Variants in KLHL2 observed in about 807,000 individuals in gnomAD.
The protein encoded by KLHL2 is kelch like family member 2.
KLHL2 carries 15 observed loss-of-function variants against 75.8 expected under a neutral mutation model. The observed-to-expected ratio is 0.20, with a 90% CI of 0.13 to 0.30. KLHL2 has a LOEUF of 0.30. Ranked by LOEUF, KLHL2 falls within the 10% of genes least tolerant of loss-of-function variation. The probability of loss-of-function intolerance (pLI) is 1.00; values close to 1 mark genes in which losing one functional copy is unlikely to be tolerated. For synonymous variants in KLHL2, 214 were observed against 251.9 expected (o/e 0.85, Z 1.42); for missense variants, 381 against 741.0 (o/e 0.51, Z 5.64).
At chr4:165,261,248 T>G (rs1340729561) in intron 4 of KLHL2, among the ~76,000 whole-genome samples, 1 of 152,258 alleles carries the variant, frequency 6.6e-6, no homozygotes, top group Non-Finnish European at 1.5e-5. Context: ...AATTAAAGCC[T>G]TCTGTGGATA....
chr4:165,253,473 A>C (rs1476561271), intron 4 of KLHL2, among the ~76,000 whole-genome samples: 1 of 152,222 alleles, frequency 6.6e-6, no homozygotes. Flanking sequence ...GTACAGATGC[A>C]CTATTTTTCC....
chr4:165,313,395 A>T (rs770424445), intron 12 of KLHL2, 29 bp downstream of exon 12: 1 of 1,425,986 alleles, frequency 7.0e-7, no homozygotes, highest in Non-Finnish European at 9.2e-7. Flanking sequence ...TAGCAACTGA[A>T]GCACAAAAAT....
intron 7 of KLHL2, among the ~76,000 whole-genome samples, chr4:165,298,707 C>T (rs114472833): frequency 0.021 from 3,173 of 152,068 alleles, 104 homozygotes; most frequent in African/African-American, 0.073. Flanking sequence ...CTTAGGGAGG[C>T]GGAGGCAGGC....
At chr4:165,279,508 C>T (rs1358079936) in intron 5 of KLHL2, 8 of 1,570,252 alleles carry the variant, frequency 5.1e-6, no homozygotes, top group Non-Finnish European at 7.0e-6. Flanking sequence ...CTCTTGGGAA[C>T]TCTTGTTTTA....
At chr4:165,218,813 A>G (rs1472707968) in intron 1 of KLHL2, among the ~76,000 whole-genome samples, 1 of 152,250 alleles carries the variant, frequency 6.6e-6, no homozygotes, top group Middle Eastern at 3.2e-3. Flanking sequence ...AAGTGCAGCA[A>G]TTAATAATGA....
At chr4:165,228,682 A>G (rs7672612) in intron 2 of KLHL2, 125 bp from the exon 3 acceptor site, 8,383 of 604,020 alleles carry the variant, frequency 0.014, 207 homozygotes, top group African/African-American at 0.084. Flanking sequence ...GTCCCAAAGG[A>G]TGGCTGTCTT....
Position 165,307,876 on chromosome 4 carries a change from T to G in KLHL2, c.1039+2151T>G, listed in dbSNP as rs114093939. On this transcript the variant is annotated intron_variant, in intron 9 of 14. Coordinates refer to ENST00000226725, the MANE Select transcript of KLHL2 (RefSeq NM_007246.4). ...ATCTGGGCTGTATTTTAGTCTAAGA[T>G]GTAAGGTATAGATTTTGGTTTTTAA... Among the ~76,000 whole-genome samples the G allele has an allele frequency of 9.9e-3, 1,512 of 152,322 alleles. 28 individuals are homozygous for G. The highest frequency in any genetic ancestry group is 0.034 in the African/African-American group (1,432 of 41,566).
intron 2 of KLHL2, among the ~76,000 whole-genome samples, chr4:165,220,277 ATACAGC>A (rs1737879394): frequency 1.3e-5 from 2 of 152,296 alleles, no homozygotes; most frequent in Admixed American, 1.3e-4. Context: ...GCTTAGCCAC[ATACAGC>A]TAGTCTGATG....
In KLHL2 at chr4:165,207,710, C is replaced by T. The variant is rs1237828097; in HGVS notation, c.-167C>T. On this transcript the variant is annotated 5_prime_UTR_variant, in exon 1 of 15. Transcript: ENST00000226725. This position sits in a 1 kb window ranked among gnomAD's most constrained non-coding sequence, Gnocchi z 4.2. ...CGCGCCCGGCCGAGCGGGCCATGGC[C>T]GCGGGGGCCGCCGCCGCAGGTGGTG... The T allele has an allele frequency of 2.1e-5, 6 of 282,280 alleles. No individual in the cohort carries two copies. The South Asian group carries it at 3.5e-4, about 17-fold the overall frequency. The allele number at this position is 282,280 out of a possible 1,614,324, so 17.5% of individuals were successfully genotyped here.
intron 10 of KLHL2, among the ~76,000 whole-genome samples, chr4:165,311,123 C>T (rs774755679): frequency 2.6e-5 from 4 of 152,008 alleles, no homozygotes; most frequent in Non-Finnish European, 5.9e-5. Context: ...TCCCAAAGTG[C>T]TGGGATTACA....
chr4:165,267,114 C>T (rs534208263), intron 5 of KLHL2, among the ~76,000 whole-genome samples: 2 of 151,238 alleles, frequency 1.3e-5, no homozygotes, highest in East Asian at 3.9e-4. Context: ...TGATTTGGCT[C>T]TCTATTATTG....
At chr4:165,313,861 A>G (rs1746400123) in intron 12 of KLHL2, among the ~76,000 whole-genome samples, 165 bp from the exon 13 acceptor site, 1 of 152,130 alleles carries the variant, frequency 6.6e-6, no homozygotes, top group African/African-American at 2.4e-5. Flanking sequence ...TTTAATCATC[A>G]ATTGTATTGA....
intron 8 of KLHL2, among the ~76,000 whole-genome samples, chr4:165,305,320 G>A (rs112785497): frequency 5.2e-5 from 7 of 133,688 alleles, no homozygotes; most frequent in Admixed American, 2.1e-4. Context: ...TAATAACTGC[G>A]TGCTGTTTTT....
At chr4:165,283,936 G>T (rs1015842081) in intron 5 of KLHL2, among the ~76,000 whole-genome samples, 15 of 152,228 alleles carry the variant, frequency 9.9e-5, no homozygotes, top group Non-Finnish European at 1.8e-4. Context: ...AGCTGCCAAG[G>T]CTTGAGGCTT....
chr4:165,298,861 C>T lies in KLHL2; in HGVS notation c.772-646C>T, dbSNP rs960696579. Among the ~76,000 whole-genome samples the T allele has an allele frequency of 2.6e-5, 4 of 152,046 alleles. No individual in the cohort carries two copies. In the East Asian group the frequency reaches 7.8e-4, roughly 30 times the overall value. On this transcript the variant is annotated intron_variant, in intron 7 of 14. Transcript: ENST00000226725. ...GTGAGGGAGGAGAATTGCTGGAACC[C>T]GGCAGGTGGAGTTTGCCAGGATTGT...
At chr4:165,264,052 T>C (rs1217171351) in intron 5 of KLHL2, among the ~76,000 whole-genome samples, 1 of 152,132 alleles carries the variant, frequency 6.6e-6, no homozygotes, top group East Asian at 1.9e-4. Context: ...TTCAGACCCC[T>C]CATCTCTGCA....
At chr4:165,227,923 A>G (rs1356841313) in intron 2 of KLHL2, among the ~76,000 whole-genome samples, 1 of 150,698 alleles carries the variant, frequency 6.6e-6, no homozygotes, top group Non-Finnish European at 1.5e-5. Flanking sequence ...TTTGAAACAG[A>G]GTCTCACTCT....
chr4:165,279,156 C>T (rs768018128), intron 5 of KLHL2: 8 of 1,601,264 alleles, frequency 5.0e-6, no homozygotes, highest in African/African-American at 4.0e-5. Flanking sequence ...GCCTTTTGAA[C>T]TTTTCTCACA....
In KLHL2 at chr4:165,264,678, A is replaced by ATGTG. The variant is rs1202309635; in HGVS notation, c.544+1322_544+1323insGTGT. ...TATACATATATGTCTACATACGTAT[A>ATGTG]TGTATGTGTGTGTGTGTGTGTGTGT... is the stretch of plus-strand genomic sequence containing the variant. On this transcript the variant is annotated intron_variant, in intron 5 of 14. Transcript: ENST00000226725. 1.3e-3 allele frequency among the ~76,000 whole-genome samples: 81 copies of ATGTG among 64,782 alleles called. 1 individual carries two copies. Among genetic ancestry groups the ATGTG allele is most frequent in the Middle Eastern group, 7.7e-3 (1 of 130 alleles). 42.5% of individuals were successfully genotyped at this position (64,782 alleles called of 152,430 possible).
Sources: gnomAD v4.1 joint callset for allele counts (sites outside exome capture counted in the v4.1 genomes callset) on GRCh38, gnomAD v4.1.1 for gene constraint, Gnocchi (gnomAD v3.1) non-coding constraint, MANE v1.5 for transcripts, NCBI Gene and HGNC (gene_info 2026-07-23, HGNC 2026-07-21) for gene names.